Variants in MRTFA observed in about 807,000 individuals in gnomAD.
MRTFA encodes myocardin-related transcription factor A.
In MRTFA, 20 loss-of-function variants were observed where a neutral mutation model predicts 83.5. That is an observed-to-expected ratio of 0.24 (90% CI 0.17 to 0.35). The LOEUF (loss-of-function observed/expected upper bound fraction) is 0.35. Ranked by LOEUF, MRTFA falls within the 10% of genes least tolerant of loss-of-function variation. The pLI is 1.00. For missense variants in MRTFA, 1,200 were observed against 1,224.7 expected (o/e 0.98, Z 0.30); for synonymous variants, 659 against 541.2 (o/e 1.22, Z -3.02).
intron 4 of MRTFA, among the ~76,000 whole-genome samples, chr22:40,460,136 G>T (rs191612720): frequency 2.0e-5 from 3 of 152,028 alleles, no homozygotes; most frequent in African/African-American, 7.2e-5. Context: ...TGTTAGCCAG[G>T]CTGGTCTGGA....
In MRTFA at chr22:40,418,819, A is replaced by G; in HGVS notation, c.1919T>C (p.Met640Thr). 1 of 1,610,430 alleles carries G rather than the reference A, an allele frequency of 6.2e-7. No homozygotes were observed. Among genetic ancestry groups the G allele is most frequent in the Non-Finnish European group, 8.5e-7 (1 of 1,179,614 alleles). ...CACCAGCTGCTGCTTCTGCCGGAGC[A>G]TGCGCGTCAGCGCCTCGATCTGCTT... Residue 640 changes from methionine to threonine, a missense_variant, in exon 12 of 15, where the codon ATG becomes ACG. Around this residue, in one of 2 missense-constraint regions of MRTFA, gnomAD observed 1,107 missense variants for 1,041.8 expected, o/e 1.06. Coordinates refer to ENST00000355630, the MANE Select transcript of MRTFA (RefSeq NM_020831.6).
chr22:40,571,029 A>AAG (rs1260443780), intron 2 of MRTFA, among the ~76,000 whole-genome samples: 1 of 107,882 alleles, frequency 9.3e-6, no homozygotes, highest in African/African-American at 3.4e-5. Flanking sequence ...GTCTCTACAA[A>AAG]AAAAAAAAAA....
chr22:40,463,722 A>C (rs1005963072), intron 3 of MRTFA, among the ~76,000 whole-genome samples: 30 of 152,356 alleles, frequency 2.0e-4, no homozygotes, highest in Non-Finnish European at 3.4e-4. Flanking sequence ...CTACTCACAC[A>C]GATCAGGAAG....
At chr22:40,541,457 C>G (rs1184943955) in intron 3 of MRTFA, among the ~76,000 whole-genome samples, 2 of 152,152 alleles carry the variant, frequency 1.3e-5, no homozygotes, top group African/African-American at 4.8e-5. Flanking sequence ...CCCCTAGACA[C>G]CTCGTATTGG....
chr22:40,617,523 G>A (rs2056466614), intron 1 of MRTFA, among the ~76,000 whole-genome samples: 1 of 151,860 alleles, frequency 6.6e-6, no homozygotes, highest in Non-Finnish European at 1.5e-5. Flanking sequence ...TCAGGAGATC[G>A]AGACCATCCT....
chr22:40,420,698 C>G (rs1331498646), intron 10 of MRTFA, 122 bp from the exon 11 acceptor site: 2 of 1,535,352 alleles, frequency 1.3e-6, no homozygotes, highest in Non-Finnish European at 1.8e-6. Context: ...CCAGCAAAGG[C>G]TAGGGTGGCC....
At chr22:40,432,687 GAAAA>G (rs71199286) in intron 5 of MRTFA, among the ~76,000 whole-genome samples, 1 of 145,634 alleles carries the variant, frequency 6.9e-6, no homozygotes, top group East Asian at 2.1e-4. Flanking sequence ...TGAAGAAAAA[GAAAA>G]AAAAAAAAAG....
At chr22:40,587,188 T>C (rs1171619032) in intron 2 of MRTFA, 1 of 459,066 alleles carries the variant, frequency 2.2e-6, no homozygotes, top group Non-Finnish European at 4.4e-6. Context: ...AAGATTGCAG[T>C]TACTCTTGAG....
intron 3 of MRTFA, among the ~76,000 whole-genome samples, chr22:40,518,031 T>A (rs749799750): frequency 2.6e-5 from 4 of 152,170 alleles, no homozygotes; most frequent in Non-Finnish European, 4.4e-5. Flanking sequence ...GGGGGTCGTA[T>A]GCCCAGAGAA....
intron 9 of MRTFA, 35 bp from the exon 10 acceptor site, chr22:40,421,135 C>A: frequency 6.6e-7 from 1 of 1,505,380 alleles, no homozygotes; most frequent in South Asian, 1.4e-5. Flanking sequence ...CATTCAGGGG[C>A]AGCCTCAGGC....
intron 3 of MRTFA, chr22:40,522,912 G>A (rs1264181416): frequency 6.6e-6 from 1 of 152,192 alleles, no homozygotes; most frequent in Non-Finnish European, 1.5e-5. Flanking sequence ...GGTAGCACAG[G>A]AGTTCCAAAG....
At chr22:40,503,617 A>T (rs2054533302) in intron 3 of MRTFA, among the ~76,000 whole-genome samples, 1 of 152,248 alleles carries the variant, frequency 6.6e-6, no homozygotes, top group African/African-American at 2.4e-5. Flanking sequence ...TGTACTGCAA[A>T]GAAGGCATCA....
chr22:40,635,069 T>C (rs2051136639), intron 1 of MRTFA, among the ~76,000 whole-genome samples: 1 of 152,220 alleles, frequency 6.6e-6, no homozygotes, highest in African/African-American at 2.4e-5. Flanking sequence ...AACGCAGTAA[T>C]GGATTGCTTC....
chr22:40,443,008 G>A (rs2147113848), intron 4 of MRTFA, among the ~76,000 whole-genome samples: 1 of 152,270 alleles, frequency 6.6e-6, no homozygotes, highest in South Asian at 2.1e-4. Context: ...CCAGCACTTT[G>A]GGAGGCCGAG....
rs867148529 is a variant in MRTFA at position 40,519,540 on chromosome 22, T to A, written c.241+32566A>T. On this transcript the variant is annotated intron_variant, in intron 3 of 14. Coordinates refer to ENST00000355630, the MANE Select transcript of MRTFA (RefSeq NM_020831.6). Reference sequence around the variant, plus strand: ...AACTCCAACCTCCTTGTGTCCAAACTGGCTCAAAGCACTCCAAAGTGGAGG... The same window carrying A: ...AACTCCAACCTCCTTGTGTCCAAACAGGCTCAAAGCACTCCAAAGTGGAGG... 3.5e-5 allele frequency: 47 copies of A among 1,350,962 alleles called. No homozygotes were observed. In the African/African-American group the frequency reaches 4.9e-4, roughly 14 times the overall value. 83.7% of individuals were successfully genotyped at this position (1,350,962 alleles called of 1,614,324 possible).
In MRTFA at chr22:40,418,466, G is replaced by T. The variant is rs761038749; in HGVS notation, c.2272C>A (p.Leu758Ile). The T allele has an allele frequency of 6.2e-7, 1 of 1,613,762 alleles. No individual in the cohort carries two copies. Among genetic ancestry groups the T allele is most frequent in the Non-Finnish European group, 8.5e-7 (1 of 1,179,798 alleles). The change falls in exon 12 of 15, where the codon CTC (leucine) becomes ATC (isoleucine). Residue 758 changes from leucine to isoleucine, a missense_variant. Around this residue, in one of 2 missense-constraint regions of MRTFA, gnomAD observed 1,107 missense variants for 1,041.8 expected, o/e 1.06. Coordinates refer to ENST00000355630, the MANE Select transcript of MRTFA (RefSeq NM_020831.6). ...TGGGTCCCTGTGGAGTCGGTGATGA[G>T]GGTGGGAGGTGCAACCCCCTTGATG...
intron 3 of MRTFA, among the ~76,000 whole-genome samples, chr22:40,464,796 C>T (rs2053785962): frequency 6.6e-6 from 1 of 152,102 alleles, no homozygotes; most frequent in South Asian, 2.1e-4. Context: ...CTCCCAAAAA[C>T]CTAATCCCCT....
intron 3 of MRTFA, among the ~76,000 whole-genome samples, chr22:40,478,923 A>G (rs2054043803): frequency 6.6e-6 from 1 of 152,118 alleles, no homozygotes; most frequent in African/African-American, 2.4e-5. Flanking sequence ...AAGGAGCCAG[A>G]AAGAGTTGTC....
Position 40,411,623 on chromosome 22 carries a change from C to A in MRTFA, c.2863G>T (p.Asp955Tyr). The A allele has an allele frequency of 6.2e-7, 1 of 1,613,588 alleles. No individual in the cohort carries two copies. The highest frequency in any genetic ancestry group is 8.5e-7 in the Non-Finnish European group (1 of 1,179,968). Residue 955 changes from aspartate (D) to tyrosine (Y), a missense_variant, in exon 15 of 15, where the codon GAC becomes TAC. Physicochemically the swap from Asp to Tyr is radical, Grantham distance 160. Coordinates refer to ENST00000355630, the MANE Select transcript of MRTFA (RefSeq NM_020831.6). ...GTGTCCATGGGTGACGGGGGGTGGTCCAGGATGGCAGTGCTGCTCAGCATC... is the reference window on the plus strand; with the variant it reads ...GTGTCCATGGGTGACGGGGGGTGGTACAGGATGGCAGTGCTGCTCAGCATC...
Sources: gnomAD v4.1 joint callset for allele counts (sites outside exome capture counted in the v4.1 genomes callset) on GRCh38, gnomAD v4.1.1 for gene constraint, gnomAD v4.1.1 regional missense constraint, MANE v1.5 for transcripts, NCBI Gene and HGNC (gene_info 2026-07-23, HGNC 2026-07-21) for gene names.